EDIL3: variants seen among roughly 807,000 people sequenced by gnomAD.
EDIL3 encodes the protein EGF like and discoidin domains 3.
Under a neutral mutation model 67.4 loss-of-function variants are expected in EDIL3, and 37 were observed. The observed-to-expected ratio is 0.55, with a 90% CI of 0.42 to 0.72. EDIL3 has a LOEUF of 0.72. Among genes scored for constraint, EDIL3 ranks in the 30% least tolerant of loss-of-function variants. EDIL3 has a pLI of 0.00. For synonymous variants in EDIL3, 195 were observed against 196.3 expected (o/e 0.99, Z 0.05); for missense variants, 527 against 586.3 (o/e 0.90, Z 1.04).
chr5:84,267,598 GCATATGAATCAT>G (rs1297136981), intron 1 of EDIL3, among the ~76,000 whole-genome samples: 1 of 152,142 alleles, frequency 6.6e-6, no homozygotes, highest in Non-Finnish European at 1.5e-5. Context: ...AATGGCCACA[GCATATGAATCAT>G]CATTTGAGTT....
intron 6 of EDIL3, among the ~76,000 whole-genome samples, chr5:84,095,729 G>C (rs1747250303): frequency 6.6e-6 from 1 of 152,154 alleles, no homozygotes; most frequent in African/African-American, 2.4e-5. Flanking sequence ...CAATAGAAAA[G>C]AAAAATCCCA....
At chr5:84,353,101 A>G (rs1335759824) in intron 1 of EDIL3, among the ~76,000 whole-genome samples, 1 of 152,208 alleles carries the variant, frequency 6.6e-6, no homozygotes, top group African/African-American at 2.4e-5. Flanking sequence ...CACCCAATCA[A>G]TGTGAATAGC....
intron 6 of EDIL3, among the ~76,000 whole-genome samples, chr5:84,097,196 A>G (rs1401779542): frequency 6.6e-6 from 1 of 152,180 alleles, no homozygotes; most frequent in Non-Finnish European, 1.5e-5. Context: ...GGCACATAAA[A>G]AGGGAACATA....
At chr5:84,025,873 T>C (rs1169796194) in intron 9 of EDIL3, among the ~76,000 whole-genome samples, 1 of 152,172 alleles carries the variant, frequency 6.6e-6, no homozygotes, top group Non-Finnish European at 1.5e-5. Context: ...GAGTTTAAAG[T>C]GTGTTCCTTG....
chr5:84,260,288 G>C (rs2112083384), intron 1 of EDIL3, among the ~76,000 whole-genome samples: 1 of 152,304 alleles, frequency 6.6e-6, no homozygotes, highest in Admixed American at 6.5e-5. Flanking sequence ...GAATGAACTA[G>C]AATCAGTGGT....
At chr5:84,051,836 G>A (rs555271725) in intron 9 of EDIL3, among the ~76,000 whole-genome samples, 16 of 152,320 alleles carry the variant, frequency 1.1e-4, no homozygotes, top group Middle Eastern at 3.4e-3. Flanking sequence ...CGTCTGATTG[G>A]TGTACCTGAA....
intron 6 of EDIL3, among the ~76,000 whole-genome samples, chr5:84,091,065 C>A (rs1747157898): frequency 6.6e-6 from 1 of 152,128 alleles, no homozygotes. Context: ...GTCCACTGCT[C>A]CCCCTCAAAA....
chr5:84,006,103 T>C (rs112107482), intron 9 of EDIL3, among the ~76,000 whole-genome samples: 11 of 149,140 alleles, frequency 7.4e-5, no homozygotes, highest in African/African-American at 2.5e-4. Flanking sequence ...ATAATAATAA[T>C]AATAATAGTA....
At chr5:84,133,232 T>C (rs62364248) in intron 5 of EDIL3, among the ~76,000 whole-genome samples, 1,884 of 152,240 alleles carry the variant, frequency 0.012, 17 homozygotes, top group Non-Finnish European at 0.018. Context: ...ACAAAGCTTA[T>C]CTGTTCTTAT....
intron 6 of EDIL3, among the ~76,000 whole-genome samples, chr5:84,103,390 G>T (rs1226815060): frequency 6.6e-6 from 1 of 151,988 alleles, no homozygotes; most frequent in African/African-American, 2.4e-5. Flanking sequence ...AAACTAAAGA[G>T]CTTCTGCACA....
intron 9 of EDIL3, among the ~76,000 whole-genome samples, chr5:83,976,292 G>T (rs1455029947): frequency 6.6e-6 from 1 of 151,776 alleles, no homozygotes; most frequent in Non-Finnish European, 1.5e-5. Context: ...TTGTTGTTTG[G>T]GAGATTGAAA....
At chr5:84,375,582 A>G (rs1747951527) in intron 1 of EDIL3, among the ~76,000 whole-genome samples, 1 of 152,212 alleles carries the variant, frequency 6.6e-6, no homozygotes, top group African/African-American at 2.4e-5. Flanking sequence ...TAACCTCTAA[A>G]GTCACTTTGT....
chr5:84,018,758 A>G (rs1257604827), intron 9 of EDIL3, among the ~76,000 whole-genome samples: 1 of 151,270 alleles, frequency 6.6e-6, no homozygotes, highest in Non-Finnish European at 1.5e-5. Context: ...GGCAACAATA[A>G]CAACCACAGA....
At chr5:84,266,466 C>T (rs1580044209) in intron 1 of EDIL3, among the ~76,000 whole-genome samples, 1 of 152,164 alleles carries the variant, frequency 6.6e-6, no homozygotes, top group South Asian at 2.1e-4. Flanking sequence ...GAATTCTCTA[C>T]ACAGTTTTGT....
chr5:84,151,434 G>C (rs432118), intron 4 of EDIL3, among the ~76,000 whole-genome samples: 53,525 of 151,538 alleles, frequency 0.35, 10,238 homozygotes, highest in East Asian at 0.74. Context: ...AAAAGAGGCA[G>C]GTCTTATGGG....
chr5:84,362,088 G>C (rs1423590439), intron 1 of EDIL3, among the ~76,000 whole-genome samples: 1 of 151,950 alleles, frequency 6.6e-6, no homozygotes, highest in Non-Finnish European at 1.5e-5. Flanking sequence ...TAATGCCAAA[G>C]AAACCCAGTT....
intron 1 of EDIL3, among the ~76,000 whole-genome samples, chr5:84,309,492 C>T (rs868039613): frequency 2.0e-4 from 31 of 151,930 alleles, no homozygotes; most frequent in African/African-American, 6.8e-4. Context: ...TCCCTTCCCC[C>T]GTCCCCCCAC....
Position 83,940,694 on chromosome 5 carries a change from A to C in EDIL3, c.*2725T>G, listed in dbSNP as rs1056352321. ...TAAGTATATATACAAAGAAAAAAAC[A>C]ACATTGGAATATTACACAGCTTGAA... On this transcript the variant is annotated 3_prime_UTR_variant, in exon 11 of 11. Coordinates refer to ENST00000296591, the MANE Select transcript of EDIL3 (RefSeq NM_005711.5). 2 of 152,034 alleles carry C rather than the reference A, an allele frequency of 1.3e-5. No homozygotes were observed. Among genetic ancestry groups the C allele is most frequent in the African/African-American group, 4.8e-5 (2 of 41,452 alleles). 9.4% of individuals were successfully genotyped at this position (152,034 alleles called of 1,614,324 possible).
chr5:84,007,590 C>T (rs1561400851), intron 9 of EDIL3, among the ~76,000 whole-genome samples: 1 of 152,024 alleles, frequency 6.6e-6, no homozygotes, highest in Non-Finnish European at 1.5e-5. Context: ...CATGTCATTC[C>T]AGTTAAAATG....
Sources: gnomAD v4.1 joint callset for allele counts (sites outside exome capture counted in the v4.1 genomes callset) on GRCh38, gnomAD v4.1.1 for gene constraint, MANE v1.5 for transcripts, NCBI Gene and HGNC (gene_info 2026-07-23, HGNC 2026-07-21) for gene names.